Variants in SCHIP1 observed in about 807,000 individuals in gnomAD.
The protein encoded by SCHIP1 is schwannomin interacting protein 1, also known as schwannomin-interacting protein 1.
SCHIP1 carries 8 observed loss-of-function variants against 29.7 expected under a neutral mutation model. The ratio of observed to expected loss-of-function variants is 0.27; its 90% confidence interval spans 0.16 to 0.49. The LOEUF is 0.49. Ranked by LOEUF, SCHIP1 falls within the 20% of genes least tolerant of loss-of-function variation. The probability of loss-of-function intolerance (pLI) is 0.99; values close to 1 mark genes in which losing one functional copy is unlikely to be tolerated. For missense variants in SCHIP1, 193 were observed against 294.6 expected (o/e 0.66, Z 2.52); for synonymous variants, 76 against 94.9 (o/e 0.80, Z 1.16).
chr3:159,505,130 T>A, the SCHIP1 span, among the ~76,000 whole-genome samples: 1 of 152,106 alleles, frequency 6.6e-6, no homozygotes, highest in African/African-American at 2.4e-5. Flanking sequence ...CCAGATGAGA[T>A]GTAGAGTGGG....
chr3:159,325,722 C>T, the SCHIP1 span, among the ~76,000 whole-genome samples: 1 of 152,028 alleles, frequency 6.6e-6, no homozygotes, highest in African/African-American at 2.4e-5. Flanking sequence ...GCACCTGGAT[C>T]TGGTCATAGG....
chr3:159,835,793 C>A (rs551997390), upstream of SCHIP1, among the ~76,000 whole-genome samples: 49 of 152,236 alleles, frequency 3.2e-4, no homozygotes, highest in Non-Finnish European at 6.2e-4. Context: ...CCAGGCTATT[C>A]ACTTTCAAAA....
the SCHIP1 span, among the ~76,000 whole-genome samples, chr3:159,407,287 C>CA: frequency 6.6e-6 from 1 of 151,786 alleles, no homozygotes; most frequent in Non-Finnish European, 1.5e-5. Flanking sequence ...TAAAAAGGGA[C>CA]AAAAAATGTC....
chr3:159,749,544 G>T, the SCHIP1 span, among the ~76,000 whole-genome samples: 1 of 152,114 alleles, frequency 6.6e-6, no homozygotes, highest in Admixed American at 6.6e-5. Context: ...CTTGCACTAG[G>T]TCGCGCTTTA....
chr3:159,369,894 G>A, the SCHIP1 span, among the ~76,000 whole-genome samples: 2,468 of 152,184 alleles, frequency 0.016, 57 homozygotes, highest in African/African-American at 0.056. Flanking sequence ...CAATTTAAAA[G>A]GAAACAATCA....
chr3:159,366,678 A>G, the SCHIP1 span, among the ~76,000 whole-genome samples: 1 of 152,198 alleles, frequency 6.6e-6, no homozygotes, highest in African/African-American at 2.4e-5. Flanking sequence ...GTGACAGCAC[A>G]GGCAACACTG....
At chr3:159,693,638 C>A in the SCHIP1 span, among the ~76,000 whole-genome samples, 1 of 152,232 alleles carries the variant, frequency 6.6e-6, no homozygotes, top group East Asian at 1.9e-4. Context: ...ATTTGCATAT[C>A]CCTGATTGTG....
chr3:159,599,822 T>C, the SCHIP1 span, among the ~76,000 whole-genome samples: 1 of 152,220 alleles, frequency 6.6e-6, no homozygotes, highest in Admixed American at 6.5e-5. Flanking sequence ...GCGAGTTTTA[T>C]GCTTTCATGT....
chr3:159,453,553 C>G, the SCHIP1 span, among the ~76,000 whole-genome samples: 1 of 152,110 alleles, frequency 6.6e-6, no homozygotes, highest in Non-Finnish European at 1.5e-5. Flanking sequence ...ACTTTTTAAG[C>G]CTCATTTTTC....
At chr3:159,340,904 A>G in the SCHIP1 span, among the ~76,000 whole-genome samples, 5 of 152,152 alleles carry the variant, frequency 3.3e-5, no homozygotes, top group African/African-American at 1.2e-4. Flanking sequence ...TTTGAACCAT[A>G]TTTGAATACT....
chr3:159,425,554 G>T, the SCHIP1 span, among the ~76,000 whole-genome samples: 1 of 152,110 alleles, frequency 6.6e-6, no homozygotes, highest in Non-Finnish European at 1.5e-5. Context: ...AGTCCTGAGT[G>T]ACCTACAAAG....
At chr3:159,366,319 AC>A in the SCHIP1 span, among the ~76,000 whole-genome samples, 3 of 30,270 alleles carry the variant, frequency 9.9e-5, no homozygotes, top group Non-Finnish European at 2.8e-4. Flanking sequence ...AACCCCACCC[AC>A]CACCAGGTGC....
the SCHIP1 span, among the ~76,000 whole-genome samples, chr3:159,686,431 A>G: frequency 1.3e-5 from 2 of 152,234 alleles, no homozygotes; most frequent in Non-Finnish European, 2.9e-5. Flanking sequence ...TTCAAGTGCT[A>G]CGAGTAACAC....
the SCHIP1 span, among the ~76,000 whole-genome samples, chr3:159,463,406 T>C: frequency 1.2e-4 from 19 of 152,100 alleles, no homozygotes; most frequent in Non-Finnish European, 4.4e-5. Flanking sequence ...CAATGATAGA[T>C]GTTACCATTT....
the SCHIP1 span, among the ~76,000 whole-genome samples, chr3:159,442,400 A>G: frequency 2.6e-5 from 4 of 152,094 alleles, no homozygotes; most frequent in Non-Finnish European, 5.9e-5. Context: ...GTCCCCTATC[A>G]TGTGTTGGAG....
the SCHIP1 span, among the ~76,000 whole-genome samples, chr3:159,817,769 T>G: frequency 6.6e-6 from 1 of 152,172 alleles, no homozygotes; most frequent in Non-Finnish European, 1.5e-5. Flanking sequence ...ATTGTGCTTT[T>G]GTCGCTGTAT....
chr3:159,408,333 AAATT>A, the SCHIP1 span, among the ~76,000 whole-genome samples: 1 of 151,932 alleles, frequency 6.6e-6, no homozygotes. Context: ...GAGCAGAAAT[AAATT>A]AATTAAAATG....
the SCHIP1 span, among the ~76,000 whole-genome samples, chr3:159,578,821 A>G: frequency 6.6e-6 from 1 of 151,978 alleles, no homozygotes; most frequent in East Asian, 1.9e-4. Context: ...TTCCTCTTAT[A>G]AGAACCCTAG....
At chr3:159,641,777 C>A in the SCHIP1 span, among the ~76,000 whole-genome samples, 1 of 152,158 alleles carries the variant, frequency 6.6e-6, no homozygotes, top group East Asian at 1.9e-4. Flanking sequence ...CCAAGAAACA[C>A]AAACAAATGG....
Sources: gnomAD v4.1 joint callset for allele counts (sites outside exome capture counted in the v4.1 genomes callset) on GRCh38, gnomAD v4.1.1 for gene constraint, MANE v1.5 for transcripts, NCBI Gene and HGNC (gene_info 2026-07-23, HGNC 2026-07-21) for gene names.